The following USH2A variants were observed in gnomAD, a reference collection of about 807,000 sequenced individuals.
USH2A encodes usherin, also known as Usher syndrome 2A (autosomal recessive, mild).
USH2A carries 443 observed loss-of-function variants against 538.9 expected under a neutral mutation model. The observed-to-expected ratio is 0.82, with a 90% CI of 0.76 to 0.89. USH2A has a LOEUF of 0.89. USH2A is among the 40% of genes least tolerant of loss of function. USH2A has a pLI of 0.00. For synonymous variants in USH2A, 2,413 were observed against 2,273.5 expected (o/e 1.06, Z -1.75); for missense variants, 6,633 against 6,324.8 (o/e 1.05, Z -1.65).
intron 56 of USH2A, among the ~76,000 whole-genome samples, chr1:215,764,365 C>T (rs1384581093): frequency 6.6e-6 from 1 of 152,132 alleles, no homozygotes. Context: ...GAAAGTATGT[C>T]TGCAATTTTG....
chr1:216,179,531 A>T (rs1572024644), intron 20 of USH2A, among the ~76,000 whole-genome samples: 1 of 152,272 alleles, frequency 6.6e-6, no homozygotes, highest in East Asian at 1.9e-4. Context: ...AACAAAAAAC[A>T]TTCCAGTAGG....
intron 56 of USH2A, among the ~76,000 whole-genome samples, chr1:215,763,716 A>G (rs2102745664): frequency 6.6e-6 from 1 of 152,266 alleles, no homozygotes; most frequent in Admixed American, 6.5e-5. Flanking sequence ...AAAAGAGGAA[A>G]AAGAATCAGG....
At chr1:216,186,921 C>G (rs184046969) in intron 20 of USH2A, among the ~76,000 whole-genome samples, 6 of 151,914 alleles carry the variant, frequency 3.9e-5, no homozygotes, top group Non-Finnish European at 8.8e-5. Flanking sequence ...CTGATTTACT[C>G]TCTTATTGCC....
chr1:216,162,296 C>G (rs1262860571), intron 21 of USH2A, among the ~76,000 whole-genome samples: 2 of 151,848 alleles, frequency 1.3e-5, no homozygotes, highest in African/African-American at 4.8e-5. Flanking sequence ...TATCAATATT[C>G]TCTTCATTTC....
chr1:216,089,950 A>C lies in USH2A; in HGVS notation c.4759-811T>G, dbSNP rs146292910. 4.9e-3 allele frequency among the ~76,000 whole-genome samples: 753 copies of C among 152,164 alleles called. 7 individuals are homozygous for C. The highest frequency in any genetic ancestry group is 0.017 in the African/African-American group (709 of 41,560). ...GTAACATTTTCTGTGTTAAGTGAAT[A>C]AGACTAAGTGAAAGATATCCCAACT... On this transcript the variant is annotated intron_variant, in intron 22 of 71. Coordinates refer to ENST00000307340, the MANE Select transcript of USH2A (RefSeq NM_206933.4).
intron 9 of USH2A, among the ~76,000 whole-genome samples, chr1:216,314,902 T>G (rs2037479706): frequency 6.6e-6 from 1 of 152,168 alleles, no homozygotes; most frequent in African/African-American, 2.4e-5. Context: ...GACGAAAGAA[T>G]AGCTAAGTAG....
At chr1:216,345,477 C>T (rs2038156965) in intron 4 of USH2A, among the ~76,000 whole-genome samples, 1 of 152,102 alleles carries the variant, frequency 6.6e-6, no homozygotes, top group Non-Finnish European at 1.5e-5. Flanking sequence ...AGAAGCCTGG[C>T]ATGCCAGCAA....
At chr1:215,911,894 C>T (rs1665793998) in intron 38 of USH2A, among the ~76,000 whole-genome samples, 1 of 151,884 alleles carries the variant, frequency 6.6e-6, no homozygotes, top group Non-Finnish European at 1.5e-5. Flanking sequence ...GTTTTTTGGA[C>T]ATAAGCCATT....
rs74579296 is a variant in USH2A, at chr1:216,314,968, G to C, written c.1644+6915C>G. On this transcript the variant is annotated intron_variant, in intron 9 of 71. Coordinates refer to ENST00000307340, the MANE Select transcript of USH2A (RefSeq NM_206933.4). ...CTGATCATTGCATCACTCTTGGCCA[G>C]AGCCCCGAAAGGTAAATGTAGTTAT... 9.9e-4 allele frequency among the ~76,000 whole-genome samples: 150 copies of C among 152,268 alleles called. 1 individual carries two copies. Among genetic ancestry groups the C allele is most frequent in the African/African-American group, 3.5e-3 (144 of 41,550 alleles).
chr1:215,767,793 T>C (rs1661173908), intron 55 of USH2A, among the ~76,000 whole-genome samples: 1 of 152,172 alleles, frequency 6.6e-6, no homozygotes, highest in African/African-American at 2.4e-5. Flanking sequence ...TAGTATTTCA[T>C]TCTAGCAGAA....
At chr1:215,768,479 T>TA (rs1661193390) in intron 55 of USH2A, among the ~76,000 whole-genome samples, 1 of 151,148 alleles carries the variant, frequency 6.6e-6, no homozygotes, top group Non-Finnish European at 1.5e-5. Context: ...GTATTTTTTT[T>TA]ATCAACTTAG....
At chr1:215,731,133 T>C (rs1167249541) in intron 60 of USH2A, among the ~76,000 whole-genome samples, 5 of 152,238 alleles carry the variant, frequency 3.3e-5, no homozygotes, top group Admixed American at 3.3e-4. Flanking sequence ...TCATGGTTTC[T>C]ATAAAGCCGA....
intron 50 of USH2A, among the ~76,000 whole-genome samples, chr1:215,793,179 G>A (rs1294956063): frequency 6.6e-6 from 1 of 152,106 alleles, no homozygotes; most frequent in Non-Finnish European, 1.5e-5. Context: ...TCTGTTGGAT[G>A]AATTTCTAAA....
At chr1:215,805,136 G>A (rs1297975848) in intron 49 of USH2A, among the ~76,000 whole-genome samples, 1 of 152,074 alleles carries the variant, frequency 6.6e-6, no homozygotes, top group Non-Finnish European at 1.5e-5. Flanking sequence ...GCCTGTTGTG[G>A]GGTGGGGAGA....
intron 47 of USH2A, among the ~76,000 whole-genome samples, chr1:215,829,990 G>A (rs10864207): frequency 0.45 from 68,521 of 151,936 alleles, 15,680 homozygotes; most frequent in Admixed American, 0.57. Context: ...TTACAACTCA[G>A]TATCTGCAAA....
At position 215,728,345 on chromosome 1, in the gene USH2A, G is replaced by C; in HGVS notation, c.11751C>G (p.Val3917=). The C allele has an allele frequency of 6.2e-7, 1 of 1,614,164 alleles. No homozygotes were observed. Among genetic ancestry groups the C allele is most frequent in the South Asian group, 1.1e-5 (1 of 91,076 alleles). ...TAAATTCAAGGGCTCCTTCTGACCA[G>C]ACAAATAAAACAGACTCCTCTTCAA... ...AGIEEESVLF[V]WSEGALEFMD... is the part of the protein sequence containing the mutation. The change falls in exon 61 of 72, where the codon GTC becomes GTG. Residue 3917 remains valine, a synonymous_variant. Coordinates refer to ENST00000307340, the MANE Select transcript of USH2A (RefSeq NM_206933.4).
At chr1:215,872,988 A>G (rs753394411) in intron 43 of USH2A, among the ~76,000 whole-genome samples, 10 of 152,094 alleles carry the variant, frequency 6.6e-5, no homozygotes, top group Non-Finnish European at 1.3e-4. Flanking sequence ...CTGCAGAACC[A>G]TGAGCCAAGT....
intron 55 of USH2A, among the ~76,000 whole-genome samples, chr1:215,774,197 T>A (rs1162423766): frequency 6.6e-6 from 1 of 152,134 alleles, no homozygotes; most frequent in Non-Finnish European, 1.5e-5. Context: ...GTAAGATCAC[T>A]TCATGACTTT....
intron 48 of USH2A, 35 bp from the exon 49 acceptor site, chr1:215,813,939 G>A (rs753158184): frequency 3.7e-6 from 6 of 1,607,888 alleles, no homozygotes; most frequent in Non-Finnish European, 5.1e-6. Context: ...AGAAATATCA[G>A]TTTAGTTAAG....
Sources: allele counts gnomAD v4.1 joint callset (sites outside exome capture counted in the v4.1 genomes callset), GRCh38; gene constraint gnomAD v4.1.1; transcripts MANE v1.5; gene names NCBI Gene and HGNC (gene_info 2026-07-23, HGNC 2026-07-21).